The following RALY variants were observed in gnomAD, a reference collection of about 807,000 sequenced individuals.
The protein encoded by RALY is RALY heterogeneous nuclear ribonucleoprotein.
In RALY, 15 loss-of-function variants were observed where a neutral mutation model predicts 30.7. The ratio of observed to expected loss-of-function variants is 0.49; its 90% CI spans 0.33 to 0.75. The LOEUF is 0.75. RALY is among the 30% of genes least tolerant of loss of function. The pLI, the probability that RALY is intolerant of heterozygous loss-of-function variation, is 0.02. For synonymous variants in RALY, 177 were observed against 170.8 expected (o/e 1.04, Z -0.28); for missense variants, 339 against 414.3 (o/e 0.82, Z 1.58).
chr20:34,066,331 T>A (rs533128101), intron 2 of RALY, among the ~76,000 whole-genome samples: 3 of 152,054 alleles, frequency 2.0e-5, no homozygotes, highest in Non-Finnish European at 4.4e-5. Context: ...ATACAAAAAT[T>A]AGCTGGCTGT....
At chr20:34,007,545 T>G (rs1011149600) in intron 1 of RALY, among the ~76,000 whole-genome samples, 1 of 147,264 alleles carries the variant, frequency 6.8e-6, no homozygotes, top group Non-Finnish European at 1.5e-5. Context: ...AAAAGCCAGG[T>G]GCAGTGGCTC....
chr20:34,072,017 C>T (rs558322920), intron 2 of RALY, 49 bp from the exon 3 acceptor site: 46 of 1,593,096 alleles, frequency 2.9e-5, no homozygotes, highest in Middle Eastern at 1.7e-4. Flanking sequence ...GTGGGCAGTC[C>T]TTGAGCCCAG....
chr20:34,026,828 G>A (rs1371201361), intron 1 of RALY, among the ~76,000 whole-genome samples: 1 of 152,136 alleles, frequency 6.6e-6, no homozygotes, highest in East Asian at 1.9e-4. Flanking sequence ...TAAGCCAACA[G>A]ATTAGTAGAT....
At chr20:34,049,272 A>G (rs985624384) in intron 2 of RALY, 2 of 154,314 alleles carry the variant, frequency 1.3e-5, no homozygotes, top group Admixed American at 1.3e-4. Flanking sequence ...ATGGTTGTAA[A>G]GAACCCTGGA....
At chr20:34,022,568 A>G (rs1029779350) in intron 1 of RALY, among the ~76,000 whole-genome samples, 3 of 152,096 alleles carry the variant, frequency 2.0e-5, no homozygotes, top group Non-Finnish European at 2.9e-5. Flanking sequence ...ACCTTTACCA[A>G]ACAGAAACTT....
At chr20:34,047,907 CT>C (rs933344911) in intron 2 of RALY, among the ~76,000 whole-genome samples, 1 of 152,198 alleles carries the variant, frequency 6.6e-6, no homozygotes, top group Admixed American at 6.5e-5. Context: ...CCAACCCCAC[CT>C]TTGCCCTCAG....
chr20:34,006,438 C>T (rs569054417), intron 1 of RALY, among the ~76,000 whole-genome samples: 74 of 152,180 alleles, frequency 4.9e-4, no homozygotes, highest in African/African-American at 1.7e-3. Context: ...TTCAAATGTT[C>T]GATTGTTTTG....
intron 2 of RALY, among the ~76,000 whole-genome samples, chr20:34,042,806 C>T (rs757420366): frequency 6.6e-6 from 1 of 152,210 alleles, no homozygotes; most frequent in Non-Finnish European, 1.5e-5. Flanking sequence ...TAACCTCTTA[C>T]TGCAGAGTTT....
intron 2 of RALY, among the ~76,000 whole-genome samples, chr20:34,052,009 G>A (rs1215371834): frequency 6.6e-6 from 1 of 152,194 alleles, no homozygotes; most frequent in Non-Finnish European, 1.5e-5. Flanking sequence ...AAGAAGGGAA[G>A]CAGGGTGCTC....
At chr20:34,076,220 G>A in intron 6 of RALY, 180 bp downstream of exon 6, 1 of 843,210 alleles carries the variant, frequency 1.2e-6, no homozygotes, top group Non-Finnish European at 1.8e-6. Flanking sequence ...TTTAGGAGGA[G>A]GGGTTGTGTT....
chr20:34,003,077 GCT>G (rs2030991812), intron 1 of RALY, among the ~76,000 whole-genome samples: 1 of 152,108 alleles, frequency 6.6e-6, no homozygotes, highest in Non-Finnish European at 1.5e-5. Context: ...GCACATTGAG[GCT>G]CTCCTGGTTT....
At chr20:34,075,769 G>T in intron 5 of RALY, 105 bp from the exon 6 acceptor site, 2 of 1,296,764 alleles carry the variant, frequency 1.5e-6, no homozygotes, top group South Asian at 2.9e-5. Context: ...GTGTAGTGCA[G>T]GCCTCCCAGC....
In RALY at chr20:34,029,140, AT is replaced by A. The variant is rs2032166352; in HGVS notation, c.-92-2381del. On this transcript the variant is annotated intron_variant, in intron 1 of 9. Transcript: ENST00000246194. Reference sequence around the variant, plus strand: ...AATATGCCAGCAGTGCAAGCAAGAGATAATGTGATCCTGAACCAAGAGGAAG... The same window carrying A: ...AATATGCCAGCAGTGCAAGCAAGAGAAATGTGATCCTGAACCAAGAGGAAG... 4.6e-5 allele frequency among the ~76,000 whole-genome samples: 7 copies of A among 152,284 alleles called. No homozygotes were observed. The South Asian group carries it at 1.4e-3, about 32-fold the overall frequency.
chr20:34,028,762 G>T (rs2032149086), intron 1 of RALY, among the ~76,000 whole-genome samples: 1 of 150,216 alleles, frequency 6.7e-6, no homozygotes. Context: ...CAAGAAAAGG[G>T]TTCAGGATTA....
chr20:34,020,179 G>A (rs74372911), intron 1 of RALY, among the ~76,000 whole-genome samples: 11,700 of 152,272 alleles, frequency 0.077, 593 homozygotes, highest in Middle Eastern at 0.15. Context: ...GCATGTGAAG[G>A]TTCACCGTAA....
At position 34,076,835 on chromosome 20, in the gene RALY, C is replaced by T. The variant is rs918441357; in HGVS notation, c.658+20C>T. Reference sequence around the variant, plus strand: ...ATCCAGGTCAGCCTCTGAGGATTCTCACCCACCTCCATGACCAGGGCACAG... The same window carrying T: ...ATCCAGGTCAGCCTCTGAGGATTCTTACCCACCTCCATGACCAGGGCACAG... On this transcript the variant is annotated intron_variant, in intron 7 of 9. Transcript: ENST00000246194. 3.7e-6 allele frequency: 6 copies of T among 1,610,996 alleles called. No individual in the cohort carries two copies. The African/African-American group carries it at 6.7e-5, about 18-fold the overall frequency.
intron 1 of RALY, among the ~76,000 whole-genome samples, chr20:33,998,988 G>C (rs936911511): frequency 6.6e-6 from 1 of 151,910 alleles, no homozygotes; most frequent in Non-Finnish European, 1.5e-5. Context: ...AAATTAGTCG[G>C]GTGTGGTGGC....
intron 2 of RALY, among the ~76,000 whole-genome samples, chr20:34,037,538 A>G (rs1006591070): frequency 3.3e-5 from 5 of 152,218 alleles, no homozygotes; most frequent in African/African-American, 1.2e-4. Flanking sequence ...TGCAGATGCC[A>G]TAGGTAACAT....
chr20:34,057,916 C>T (rs1216127528), intron 2 of RALY, among the ~76,000 whole-genome samples: 2 of 152,176 alleles, frequency 1.3e-5, no homozygotes, highest in Non-Finnish European at 2.9e-5. Flanking sequence ...CAAGGTCACA[C>T]AGCTAGTAAG....
Sources: gnomAD v4.1 joint callset for allele counts (sites outside exome capture counted in the v4.1 genomes callset) on GRCh38, gnomAD v4.1.1 for gene constraint, MANE v1.5 for transcripts, NCBI Gene and HGNC (gene_info 2026-07-23, HGNC 2026-07-21) for gene names.